SNX29: variants seen among roughly 807,000 people sequenced by gnomAD.
SNX29 encodes sorting nexin 29, also known as sorting nexin-29.
A neutral mutation model predicts 102.1 loss-of-function variants in SNX29; 78 were observed. The observed-to-expected ratio is 0.76, with a 90% CI of 0.64 to 0.92. The LOEUF (loss-of-function observed/expected upper bound fraction) is 0.92. Among genes scored for constraint, SNX29 ranks in the 40% least tolerant of loss-of-function variants. The probability of loss-of-function intolerance (pLI) is 0.00; values close to 1 mark genes in which losing one functional copy is unlikely to be tolerated. For synonymous variants in SNX29, 580 were observed against 414.5 expected, an observed-to-expected ratio of 1.40 and a Z score of -4.85; for missense variants, 1,280 against 1,061.7, an observed-to-expected ratio of 1.21 and a Z score of -2.86.
chr16:12,067,032 T>TAAATAAATAAGC (rs398058104), intron 9 of SNX29, among the ~76,000 whole-genome samples: 2 of 138,856 alleles, frequency 1.4e-5, no homozygotes, highest in African/African-American at 5.4e-5. Flanking sequence ...AATAAATAAA[T>TAAATAAATAAGC]AAGCAGGCCA....
At chr16:12,142,159 G>A (rs1597028731) in intron 13 of SNX29, among the ~76,000 whole-genome samples, 1 of 152,176 alleles carries the variant, frequency 6.6e-6, no homozygotes, top group Admixed American at 6.5e-5. Flanking sequence ...ATCTTTTTGA[G>A]TCCTTGTCTA....
intron 15 of SNX29, among the ~76,000 whole-genome samples, chr16:12,333,632 G>C (rs1408562439): frequency 6.6e-6 from 1 of 152,182 alleles, no homozygotes; most frequent in East Asian, 1.9e-4. Flanking sequence ...GTGATGAAGA[G>C]GGTGTGATTT....
rs1259336693 is a variant in SNX29 at position 12,047,789 on chromosome 16, C to T, written c.500-583C>T. Among the ~76,000 whole-genome samples the T allele has an allele frequency of 2.0e-5, 3 of 151,710 alleles. No homozygotes were observed. The East Asian group carries it at 5.8e-4, about 29-fold the overall frequency. ...TCTCCTGCTGCAGCCTCCCGAGTAGCTGGGATTATAGGCATGCACCAACAC... is the reference window on the plus strand; with the variant it reads ...TCTCCTGCTGCAGCCTCCCGAGTAGTTGGGATTATAGGCATGCACCAACAC... On this transcript the variant is annotated intron_variant, in intron 6 of 20. Coordinates refer to ENST00000566228, the MANE Select transcript of SNX29 (RefSeq NM_032167.5).
intron 8 of SNX29, among the ~76,000 whole-genome samples, chr16:12,060,495 G>A (rs767923694): frequency 6.6e-5 from 10 of 152,108 alleles, no homozygotes; most frequent in South Asian, 2.1e-4. Context: ...CAAACTCCTC[G>A]GGATGCTGAG....
At chr16:12,311,617 G>A (rs762911483) in intron 15 of SNX29, among the ~76,000 whole-genome samples, 41 of 152,236 alleles carry the variant, frequency 2.7e-4, no homozygotes, top group Non-Finnish European at 5.4e-4. Flanking sequence ...TTGAGATGGC[G>A]TGGCTGGCCA....
intron 9 of SNX29, among the ~76,000 whole-genome samples, chr16:12,063,928 CGGCAGTGTAGATGCA>C (rs1007144436): frequency 1.3e-5 from 2 of 151,976 alleles, no homozygotes; most frequent in African/African-American, 4.8e-5. Context: ...GCCTGTTCAG[CGGCAGTGTAGATGCA>C]GGCAGGTCAT....
intron 13 of SNX29, among the ~76,000 whole-genome samples, chr16:12,177,849 C>T (rs2076294744): frequency 2.0e-5 from 3 of 152,258 alleles, no homozygotes; most frequent in East Asian, 3.9e-4. Flanking sequence ...AGATAGCAGT[C>T]CGACAATCAG....
chr16:12,240,805 C>T (rs1309380247), intron 14 of SNX29, among the ~76,000 whole-genome samples: 14 of 151,864 alleles, frequency 9.2e-5, no homozygotes, highest in Admixed American at 9.2e-4. Flanking sequence ...GGTCTTTCAC[C>T]ATGTTGGCCA....
chr16:12,445,010 C>T (rs1030917536), intron 18 of SNX29, among the ~76,000 whole-genome samples: 4 of 151,948 alleles, frequency 2.6e-5, no homozygotes, highest in African/African-American at 9.7e-5. Flanking sequence ...GCCACCACGC[C>T]CAGCTAATTT....
intron 8 of SNX29, among the ~76,000 whole-genome samples, chr16:12,055,058 C>T (rs1027652765): frequency 6.6e-6 from 1 of 152,090 alleles, no homozygotes; most frequent in Non-Finnish European, 1.5e-5. Context: ...TTGTGACCTG[C>T]TGTGTTATTC....
Position 12,573,499 on chromosome 16 carries a change from G to T in SNX29, c.*4870G>T. 1 of 224,756 alleles carries T rather than the reference G, an allele frequency of 4.4e-6. No homozygotes were observed. The highest frequency in any genetic ancestry group is 6.5e-5 in the East Asian group (1 of 15,456). 13.9% of individuals were successfully genotyped at this position (224,756 alleles called of 1,614,324 possible). ...GGCGGAAGATTCTAGATTCACTGGT[G>T]GTTTAAGAGGCCCAGGGATTTAGTT... is the stretch of plus-strand genomic sequence containing the variant. On this transcript the variant is annotated 3_prime_UTR_variant, in exon 21 of 21. Transcript: ENST00000566228.
At chr16:12,046,232 A>T (rs1459932800) in intron 5 of SNX29, 152 bp from the exon 6 acceptor site, 2 of 709,670 alleles carry the variant, frequency 2.8e-6, no homozygotes, top group Non-Finnish European at 4.9e-6. Flanking sequence ...TGTAACCAGA[A>T]GCTGTAAACC....
chr16:12,178,677 T>C (rs1037398461), intron 13 of SNX29, among the ~76,000 whole-genome samples: 17 of 152,372 alleles, frequency 1.1e-4, no homozygotes, highest in Admixed American at 9.8e-4. Flanking sequence ...CTCTCTGTTA[T>C]CGTGCATACG....
chr16:12,045,340 T>C (rs911511997), intron 5 of SNX29, among the ~76,000 whole-genome samples: 71 of 152,276 alleles, frequency 4.7e-4, no homozygotes, highest in African/African-American at 1.6e-3. Context: ...TAATTTAGAA[T>C]TCAATGACCT....
At chr16:12,533,943 A>C (rs1214710707) in intron 20 of SNX29, among the ~76,000 whole-genome samples, 1 of 152,236 alleles carries the variant, frequency 6.6e-6, no homozygotes, top group East Asian at 1.9e-4. Context: ...AGTTGGTTGG[A>C]AACTCCTTTG....
intron 15 of SNX29, among the ~76,000 whole-genome samples, chr16:12,280,557 G>C (rs1356929330): frequency 2.0e-5 from 3 of 152,178 alleles, no homozygotes; most frequent in Non-Finnish European, 2.9e-5. Flanking sequence ...GAGCAGTAGA[G>C]ATGCTGGCTG....
At chr16:12,294,671 C>G (rs2079920080) in intron 15 of SNX29, among the ~76,000 whole-genome samples, 1 of 152,120 alleles carries the variant, frequency 6.6e-6, no homozygotes, top group Non-Finnish European at 1.5e-5. Flanking sequence ...GGTTCAGGTC[C>G]TTTCAGTAAC....
intron 4 of SNX29, chr16:12,027,649 C>T (rs183863791): frequency 1.2e-4 from 61 of 524,492 alleles, no homozygotes; most frequent in African/African-American, 1.1e-3. Flanking sequence ...ATCTTTTGTG[C>T]AGAATTCTCA....
chr16:12,428,641 CATAG>C (rs2085182907), intron 18 of SNX29, among the ~76,000 whole-genome samples: 1 of 152,158 alleles, frequency 6.6e-6, no homozygotes. Context: ...AATCCCAATA[CATAG>C]ATATTTGATT....
Sources: gnomAD v4.1 joint callset for allele counts (sites outside exome capture counted in the v4.1 genomes callset) on GRCh38, gnomAD v4.1.1 for gene constraint, MANE v1.5 for transcripts, NCBI Gene and HGNC (gene_info 2026-07-23, HGNC 2026-07-21) for gene names.